The following BDH2 variants were observed in gnomAD, a reference collection of about 807,000 sequenced individuals.
The protein encoded by BDH2 is 3-hydroxybutyrate dehydrogenase 2.
A neutral mutation model predicts 33.2 loss-of-function variants in BDH2; 24 were observed. The observed-to-expected ratio is 0.72, with a 90% CI of 0.52 to 1.02. The LOEUF is 1.02. Among genes scored for constraint, BDH2 ranks in the 50% least tolerant of loss-of-function variants. The pLI, the probability that BDH2 is intolerant of heterozygous loss-of-function variation, is 0.00. For missense variants in BDH2, 249 were observed against 301.6 expected (o/e 0.83, Z 1.29); for synonymous variants, 81 against 101.6 (o/e 0.80, Z 1.22).
chr4:103,096,089 C>T, intron 2 of BDH2, 94 bp downstream of exon 2: 1 of 831,170 alleles, frequency 1.2e-6, no homozygotes, highest in South Asian at 2.1e-5. Context: ...AATAAAAAAG[C>T]AGAGCAGAAG....
intron 5 of BDH2, among the ~76,000 whole-genome samples, chr4:103,090,499 G>A (rs558038967): frequency 8.5e-4 from 129 of 152,188 alleles, no homozygotes; most frequent in Non-Finnish European, 1.5e-3. Flanking sequence ...CATCCCTCTT[G>A]AGAGTGTGAG....
chr4:103,089,866 T>C (rs1370753420), intron 5 of BDH2, among the ~76,000 whole-genome samples: 2 of 152,196 alleles, frequency 1.3e-5, no homozygotes, highest in Non-Finnish European at 2.9e-5. Context: ...TTATAAAAAT[T>C]TGCTAGTTCA....
At chr4:103,087,276 T>A (rs1323141194) in intron 5 of BDH2, among the ~76,000 whole-genome samples, 1 of 152,132 alleles carries the variant, frequency 6.6e-6, no homozygotes, top group African/African-American at 2.4e-5. Flanking sequence ...CAACAAGGGC[T>A]GAATTTAGAA....
rs76142480 is a variant in BDH2, at chr4:103,095,267, T to G, written c.87A>C (p.Glu29Asp). 2,310 of 1,613,482 alleles carry G rather than the reference T, an allele frequency of 1.4e-3. 27 individuals carry two copies. The African/African-American group carries it at 0.028, about 20-fold the overall frequency. The change falls in exon 3 of 10, where the codon GAA becomes GAC. Residue 29 changes from glutamate (E) to aspartate (D), a missense_variant. Glu to Asp is a conservative substitution (Grantham distance 45). Transcript: ENST00000296424. ...TGTCTGTGGCTATGACTTTGGCACC[T>G]TCTCTTGCAAAAGCCTAGTAGACAC... ...GQAAALAFAR[E>D]GAKVIATDIN...
rs888377734 is a variant in BDH2 at position 103,094,912 on chromosome 4, C to G, written c.151+291G>C. On this transcript the variant is annotated intron_variant, in intron 3 of 9. Transcript: ENST00000296424. ...GTGAAAAGCTGTCATGAAAAGTTAA[C>G]CTAACAACTAGTAAATTTTCACATG... Among the ~76,000 whole-genome samples, 3 of 152,104 alleles carry G rather than the reference C, an allele frequency of 2.0e-5. No homozygotes were observed. In the East Asian group the frequency reaches 5.8e-4, roughly 29 times the overall value.
chr4:103,082,051 A>G (rs752371943), intron 9 of BDH2, 30 bp downstream of exon 9: 1 of 1,572,040 alleles, frequency 6.4e-7, no homozygotes, highest in East Asian at 2.2e-5. Flanking sequence ...GATTGAGGGT[A>G]ATGAACTCCT....
In BDH2 at chr4:103,082,169, C is replaced by T. The variant is rs145785953; in HGVS notation, c.596G>A (p.Arg199Gln). Residue 199 changes from arginine to glutamine, a missense_variant, in exon 9 of 10, where the codon CGG becomes CAG. Physicochemically the swap from Arg to Gln is conservative, Grantham distance 43. Coordinates refer to ENST00000296424, the MANE Select transcript of BDH2 (RefSeq NM_020139.4). ...IQARGNPEEA[R>Q]NDFLKRQKTG... ...CTTTTGTCTCTTCAGGAAATCATTC[C>T]GTGCCTGTGACCAGAGACCATACCA... The T allele has an allele frequency of 8.9e-5, 143 of 1,613,700 alleles. No individual in the cohort carries two copies. The African/African-American group carries it at 1.6e-3, about 18-fold the overall frequency.
Position 103,077,666 on chromosome 4 carries a change from T to C in BDH2, c.*2036A>G, listed in dbSNP as rs1747298806. Among the ~76,000 whole-genome samples, 1 of 152,244 alleles carries C rather than the reference T, an allele frequency of 6.6e-6. No individual in the cohort carries two copies. Among genetic ancestry groups the C allele is most frequent in the Non-Finnish European group, 1.5e-5 (1 of 68,048 alleles). Reference sequence around the variant, plus strand: ...TTATTTGTTCATAGCTATACATATATTATACATGTATACCTGCTCACAGCA... The same window carrying C: ...TTATTTGTTCATAGCTATACATATACTATACATGTATACCTGCTCACAGCA... On this transcript the variant is annotated 3_prime_UTR_variant, in exon 10 of 10. Transcript: ENST00000296424.
chr4:103,092,397 G>T (rs891448717), intron 4 of BDH2: 7 of 574,142 alleles, frequency 1.2e-5, no homozygotes, highest in South Asian at 2.1e-5. Context: ...GACCTCATTT[G>T]CCCCAGATCA....
At chr4:103,089,343 G>T (rs1578505307) in intron 5 of BDH2, among the ~76,000 whole-genome samples, 1 of 152,198 alleles carries the variant, frequency 6.6e-6, no homozygotes, top group Non-Finnish European at 1.5e-5. Context: ...TTAGGGGCAG[G>T]GCGCAGACTG....
At chr4:103,096,886 A>G (rs1413202546) in intron 1 of BDH2, among the ~76,000 whole-genome samples, 1 of 152,102 alleles carries the variant, frequency 6.6e-6, no homozygotes, top group Non-Finnish European at 1.5e-5. Flanking sequence ...CAGTACCTGG[A>G]GAGGACAGCC....
intron 6 of BDH2, chr4:103,086,059 C>T (rs1470542615): frequency 8.7e-7 from 1 of 1,146,214 alleles, no homozygotes; most frequent in Non-Finnish European, 1.1e-6. Flanking sequence ...TTTGACAGCG[C>T]TTTGTACAAA....
chr4:103,087,577 C>T (rs1209405387), intron 5 of BDH2, among the ~76,000 whole-genome samples: 1 of 152,116 alleles, frequency 6.6e-6, no homozygotes, highest in African/African-American at 2.4e-5. Flanking sequence ...TCAGAATTCC[C>T]CCACTAAAGT....
intron 8 of BDH2, 85 bp from the exon 9 acceptor site, chr4:103,082,258 G>C: frequency 8.6e-7 from 1 of 1,167,860 alleles, no homozygotes; most frequent in Non-Finnish European, 1.3e-6. Context: ...TTAAAGGCAA[G>C]AGAATCCACT....
chr4:103,090,633 T>C (rs1748033928), intron 5 of BDH2, among the ~76,000 whole-genome samples: 1 of 152,084 alleles, frequency 6.6e-6, no homozygotes, highest in African/African-American at 2.4e-5. Flanking sequence ...GAACAATGGA[T>C]GAGATAATAG....
intron 5 of BDH2, 82 bp from the exon 6 acceptor site, chr4:103,086,622 C>T: frequency 6.7e-7 from 1 of 1,496,814 alleles, no homozygotes; most frequent in Non-Finnish European, 8.9e-7. Flanking sequence ...TTTGCATTTT[C>T]TTAGGGTTTG....
intron 5 of BDH2, 54 bp from the exon 6 acceptor site, chr4:103,086,594 T>C: frequency 6.5e-7 from 1 of 1,540,540 alleles, no homozygotes. Context: ...TGGGCTAAAA[T>C]ACTACCTTTT....
intron 7 of BDH2, among the ~76,000 whole-genome samples, chr4:103,083,955 ACT>A (rs1197577968): frequency 2.6e-5 from 4 of 152,090 alleles, no homozygotes; most frequent in Non-Finnish European, 4.4e-5. Context: ...CACTTTCAAG[ACT>A]CTGGGTAGAA....
rs762028846 is a variant in BDH2 at position 103,077,930 on chromosome 4, T to C, written c.*1772A>G. On this transcript the variant is annotated 3_prime_UTR_variant, in exon 10 of 10. Transcript: ENST00000296424. ...GTCCAAAACCTCATAGATAATCTTA[T>C]AATCAATGGACTCTTTCTGAATGCT... Among the ~76,000 whole-genome samples the C allele has an allele frequency of 1.3e-4, 20 of 152,228 alleles. No homozygotes were observed. The highest frequency in any genetic ancestry group is 5.2e-4 in the Admixed American group (8 of 15,286).
Sources: gnomAD v4.1 joint callset for allele counts (sites outside exome capture counted in the v4.1 genomes callset) on GRCh38, gnomAD v4.1.1 for gene constraint, MANE v1.5 for transcripts, NCBI Gene and HGNC (gene_info 2026-07-23, HGNC 2026-07-21) for gene names.